Variants in BBS12 observed in about 807,000 individuals in gnomAD.
BBS12 encodes the protein chaperonin-containing T-complex member BBS12.
Under a neutral mutation model 5.6 loss-of-function variants are expected in BBS12, and 5 were observed. That is an observed-to-expected ratio of 0.89 (90% CI 0.46 to 1.86). The LOEUF is 1.86. Among genes scored for constraint, BBS12 ranks in the 40% most tolerant of loss-of-function variants. The pLI is 0.01. For synonymous variants in BBS12, 308 were observed against 306.8 expected, an observed-to-expected ratio of 1.00 and a Z score of -0.04; for missense variants, 748 against 830.4, an observed-to-expected ratio of 0.90 and a Z score of 1.22.
chr4:122,735,908 AG>A (rs1370691064), intron 1 of BBS12, among the ~76,000 whole-genome samples: 2 of 152,216 alleles, frequency 1.3e-5, no homozygotes, highest in East Asian at 3.8e-4. Context: ...CAGAGGGAAA[AG>A]AGGATTTGTG....
chr4:122,733,749 A>G (rs1031682453), intron 1 of BBS12, among the ~76,000 whole-genome samples: 11 of 152,106 alleles, frequency 7.2e-5, no homozygotes, highest in Non-Finnish European at 1.5e-4. Flanking sequence ...AATTGCTCAC[A>G]CATGCGGACC....
At chr4:122,739,840 C>G (rs564934389) in intron 1 of BBS12, among the ~76,000 whole-genome samples, 1 of 152,352 alleles carries the variant, frequency 6.6e-6, no homozygotes, top group South Asian at 2.1e-4. Context: ...CGTCCCATGC[C>G]CCCGCTCCCT....
the BBS12 span, among the ~76,000 whole-genome samples, chr4:122,725,051 G>A: frequency 6.6e-6 from 1 of 152,094 alleles, no homozygotes; most frequent in South Asian, 2.1e-4. Context: ...GCCATTATGA[G>A]ACTAAATACT....
chr4:122,744,265 G>T lies in BBS12; in HGVS notation c.*240G>T. 2 of 488,432 alleles carry T rather than the reference G, an allele frequency of 4.1e-6. No individual in the cohort carries two copies. Among genetic ancestry groups the T allele is most frequent in the Non-Finnish European group, 3.8e-6 (1 of 264,030 alleles). 30.3% of individuals were successfully genotyped at this position (488,432 alleles called of 1,614,324 possible). ...TAAGACACCTGGGTCAGAAACAAAG[G>T]ACTTATCGCTCACAGCAAAAGCTGT... is the stretch of plus-strand genomic sequence containing the variant. On this transcript the variant is annotated 3_prime_UTR_variant, in exon 2 of 2. Transcript: ENST00000314218.
chr4:122,743,053 T>C lies in BBS12; in HGVS notation c.1161T>C (p.Leu387=). The change falls in exon 2 of 2, where the codon CTT becomes CTC. Residue 387 remains leucine, a synonymous_variant. Coordinates refer to ENST00000314218, the MANE Select transcript of BBS12 (RefSeq NM_152618.3). ...NIKTVLDSMR[L]QEDSSEELWA... ...AAACAGTATTAGATAGCATGCGGCTTCAAGAAGACAGCTCAGAAGAACTGT... is the reference window on the plus strand; with the variant it reads ...AAACAGTATTAGATAGCATGCGGCTCCAAGAAGACAGCTCAGAAGAACTGT... 1 of 1,614,248 alleles carries C rather than the reference T, an allele frequency of 6.2e-7. No homozygotes were observed. Among genetic ancestry groups the C allele is most frequent in the Non-Finnish European group, 8.5e-7 (1 of 1,180,044 alleles).
rs781704386 is a variant in BBS12, at chr4:122,742,479, C to T, written c.587C>T (p.Ser196Leu). ...ISNLSGRPLKSYELFKPQTKV... is the reference protein window; with the variant it reads ...ISNLSGRPLKLYELFKPQTKV... ...AACCTTTCTGGGAGACCTCTTAAATCATATGAATTATTTAAACCTCAGACA... is the reference window on the plus strand; with the variant it reads ...AACCTTTCTGGGAGACCTCTTAAATTATATGAATTATTTAAACCTCAGACA... Residue 196 changes from serine (S) to leucine (L), a missense_variant, in exon 2 of 2, where the codon TCA (serine) becomes TTA (leucine). By Grantham distance (145) the Ser-to-Leu change is moderately radical (BLOSUM62 -2). Transcript: ENST00000314218. The T allele has an allele frequency of 5.0e-6, 8 of 1,613,856 alleles. No individual in the cohort carries two copies. In the East Asian group the frequency reaches 1.6e-4, roughly 31 times the overall value.
In BBS12 at chr4:122,742,833, G is replaced by C. The variant is rs2150736676; in HGVS notation, c.941G>C (p.Arg314Thr). The change falls in exon 2 of 2, where the codon AGA becomes ACA. Residue 314 changes from arginine to threonine, a missense_variant. Arg to Thr is a moderately conservative substitution (Grantham distance 71). Transcript: ENST00000314218. Reference sequence around the variant, plus strand: ...AAACCATTTATGTTTGACATTTCAAGAATTTTCACTTGCTGTCTACCAGGC... The same window carrying C: ...AAACCATTTATGTTTGACATTTCAACAATTTTCACTTGCTGTCTACCAGGC... ...CTKPFMFDIS[R>T]IFTCCLPGLP... The C allele has an allele frequency of 6.2e-7, 1 of 1,614,184 alleles. No homozygotes were observed. Among genetic ancestry groups the C allele is most frequent in the Middle Eastern group, 1.6e-4 (1 of 6,062 alleles).
the BBS12 span, among the ~76,000 whole-genome samples, chr4:122,725,436 A>T: frequency 6.6e-6 from 1 of 152,218 alleles, no homozygotes. Context: ...ATGGAACATA[A>T]TAGAGAACGC....
At chr4:122,711,320 G>C in the BBS12 span, among the ~76,000 whole-genome samples, 2 of 150,944 alleles carry the variant, frequency 1.3e-5, no homozygotes, top group South Asian at 4.2e-4. Flanking sequence ...ATCTGATGCC[G>C]TTTAAATCAT....
At chr4:122,709,005 C>A in the BBS12 span, among the ~76,000 whole-genome samples, 3 of 151,870 alleles carry the variant, frequency 2.0e-5, no homozygotes. Flanking sequence ...CCTAAGAAAG[C>A]AAAACAACAC....
rs1184455532 is a variant in BBS12 at position 122,741,951 on chromosome 4, C to T, written c.59C>T (p.Ser20Leu). ...AGACACATGGGACTTCAACAACTTT[C>T]ATCATTCGCGGAAACAGGAAGAACT... ...KRRHMGLQQL[S>L]SFAETGRTFL... The change falls in exon 2 of 2, where the codon TCA becomes TTA. Residue 20 changes from serine (S) to leucine (L), a missense_variant. Ser to Leu is a moderately radical substitution (Grantham distance 145). Coordinates refer to ENST00000314218, the MANE Select transcript of BBS12 (RefSeq NM_152618.3). The T allele has an allele frequency of 6.2e-7, 1 of 1,613,842 alleles. No individual in the cohort carries two copies. The highest frequency in any genetic ancestry group is 1.1e-5 in the South Asian group (1 of 91,000).
At chr4:122,728,574 A>G (rs1800656027), upstream of BBS12, 1 of 152,228 alleles carries the variant, frequency 6.6e-6, no homozygotes, top group Non-Finnish European at 1.5e-5. Flanking sequence ...TTGTTCATGT[A>G]TACTTTTAAC....
At position 122,742,668 on chromosome 4, in the gene BBS12, C is replaced by T. The variant is rs768162160; in HGVS notation, c.776C>T (p.Thr259Ile). The T allele has an allele frequency of 1.2e-6, 2 of 1,614,252 alleles. No individual in the cohort carries two copies. The highest frequency in any genetic ancestry group is 3.3e-5 in the Admixed American group (2 of 60,030). ...GGATTTCAAGAACATGTTACAGCTACTCACAAAACTTACAGATGTAATGAT... is the reference window on the plus strand; with the variant it reads ...GGATTTCAAGAACATGTTACAGCTATTCACAAAACTTACAGATGTAATGAT... The part of the protein sequence containing the change: ...PDGFQEHVTA[T>I]HKTYRCNDLV... The change falls in exon 2 of 2, where the codon ACT becomes ATT. Residue 259 changes from threonine to isoleucine, a missense_variant. Coordinates refer to ENST00000314218, the MANE Select transcript of BBS12 (RefSeq NM_152618.3).
the BBS12 span, among the ~76,000 whole-genome samples, chr4:122,707,038 G>GTCTCTC: frequency 3.6e-4 from 35 of 97,346 alleles, no homozygotes; most frequent in Admixed American, 3.7e-3. Context: ...TATTCATTTT[G>GTCTCTC]TCTCTCTCTC....
the BBS12 span, among the ~76,000 whole-genome samples, chr4:122,718,730 A>AAATGAAAT: frequency 2.6e-5 from 4 of 151,936 alleles, no homozygotes; most frequent in African/African-American, 9.7e-5. Context: ...AAATGAAATG[A>AAATGAAAT]AATGAAATGA....
chr4:122,743,507 G>A lies in BBS12; in HGVS notation c.1615G>A (p.Gly539Ser). The change falls in exon 2 of 2, where the codon GGT (glycine) becomes AGT (serine). Residue 539 changes from glycine (G) to serine (S), a missense_variant. Transcript: ENST00000314218. Reference protein sequence around the residue: ...ALKEEKVFLGGGAVEFLCLSC... With the variant: ...ALKEEKVFLGSGAVEFLCLSC... ...AAAAGAGGAAAAGGTCTTCCTTGGA[G>A]GTGGTGCAGTTGAATTTTTGTGTCT... is the stretch of plus-strand genomic sequence containing the variant. 1.2e-6 allele frequency: 2 copies of A among 1,614,228 alleles called. No homozygotes were observed. The highest frequency in any genetic ancestry group is 8.5e-7 in the Non-Finnish European group (1 of 1,180,052).
At chr4:122,722,475 G>A in the BBS12 span, among the ~76,000 whole-genome samples, 1 of 152,170 alleles carries the variant, frequency 6.6e-6, no homozygotes. Flanking sequence ...AATATCTGTA[G>A]ATCAATAAGC....
upstream of BBS12, chr4:122,730,351 T>G (rs745724723): frequency 6.6e-6 from 1 of 152,218 alleles, no homozygotes; most frequent in Non-Finnish European, 1.5e-5. Flanking sequence ...GAAGTCATTA[T>G]GTTTTGTTTC....
chr4:122,700,596 G>A, the BBS12 span, among the ~76,000 whole-genome samples: 4 of 152,212 alleles, frequency 2.6e-5, no homozygotes, highest in East Asian at 1.9e-4. Context: ...CACATAACTC[G>A]TTGTGTGTGT....
Sources: allele counts gnomAD v4.1 joint callset (sites outside exome capture counted in the v4.1 genomes callset), GRCh38; gene constraint gnomAD v4.1.1; transcripts MANE v1.5; gene names NCBI Gene and HGNC (gene_info 2026-07-23, HGNC 2026-07-21).